LRRC3B: variants seen among roughly 807,000 people sequenced by gnomAD.
The protein encoded by LRRC3B is leucine rich repeat containing 3B.
LRRC3B carries 2 observed loss-of-function variants against 12.8 expected under a neutral mutation model. That is an observed-to-expected ratio of 0.16 (90% CI 0.06 to 0.49). The LOEUF (loss-of-function observed/expected upper bound fraction) is 0.49, where lower values mean the gene tolerates loss of function less well. Among genes scored for constraint, LRRC3B ranks in the 20% least tolerant of loss-of-function variants. LRRC3B has a pLI of 0.96. For synonymous variants in LRRC3B, 132 were observed against 122.0 expected (o/e 1.08, Z -0.54); for missense variants, 189 against 319.4 (o/e 0.59, Z 3.11).
chr3:26,695,505 C>T (rs750216329), intron 1 of LRRC3B, among the ~76,000 whole-genome samples: 3 of 150,968 alleles, frequency 2.0e-5, no homozygotes, highest in South Asian at 2.1e-4. Flanking sequence ...CCAGCCTGGG[C>T]GACAGAGCCA....
In LRRC3B at chr3:26,647,698, A is replaced by G. The variant is rs141058788; in HGVS notation, c.-161+24461A>G. Among the ~76,000 whole-genome samples, 468 of 152,300 alleles carry G rather than the reference A, an allele frequency of 3.1e-3. 3 individuals are homozygous for G. Among genetic ancestry groups the G allele is most frequent in the African/African-American group, 0.011 (453 of 41,568 alleles). ...TTAACGCCTGATACAGCTCATTGCC[A>G]GGAGTTTCAAATGAAACTCGGAGGA... On this transcript the variant is annotated intron_variant, in intron 1 of 1. Coordinates refer to ENST00000396641, the Ensembl canonical transcript of LRRC3B.
At chr3:26,705,854 T>C (rs745832672) in intron 1 of LRRC3B, among the ~76,000 whole-genome samples, 4 of 152,182 alleles carry the variant, frequency 2.6e-5, no homozygotes, top group Non-Finnish European at 5.9e-5. Context: ...TATAAAGCAA[T>C]GTCAAACTGA....
At chr3:26,685,485 C>A (rs1012024580) in intron 1 of LRRC3B, among the ~76,000 whole-genome samples, 3 of 81,510 alleles carry the variant, frequency 3.7e-5, no homozygotes, top group Non-Finnish European at 6.8e-5. Context: ...TAGACTCTCT[C>A]CCTCTCTCTC....
At chr3:26,678,513 A>T (rs77623265) in intron 1 of LRRC3B, among the ~76,000 whole-genome samples, 6 of 148,714 alleles carry the variant, frequency 4.0e-5, no homozygotes. Flanking sequence ...AAAAAAAAAA[A>T]GTAGTAGGAT....
chr3:26,667,119 G>GGAA (rs1217115543), intron 1 of LRRC3B, among the ~76,000 whole-genome samples: 23 of 101,540 alleles, frequency 2.3e-4, no homozygotes, highest in African/African-American at 5.6e-4. Flanking sequence ...TCACTTTCAA[G>GGAA]AAAAAAAAAA....
At chr3:26,692,762 C>T (rs905365936) in intron 1 of LRRC3B, among the ~76,000 whole-genome samples, 1 of 152,192 alleles carries the variant, frequency 6.6e-6, no homozygotes, top group Non-Finnish European at 1.5e-5. Flanking sequence ...GCTTTCGCTA[C>T]ATAACAAGTA....
At chr3:26,650,654 A>T (rs1699245656) in intron 1 of LRRC3B, among the ~76,000 whole-genome samples, 1 of 152,034 alleles carries the variant, frequency 6.6e-6, no homozygotes, top group African/African-American at 2.4e-5. Context: ...TTTCCAAAAT[A>T]TTTTGTTGTA....
At chr3:26,671,399 G>T (rs1263784645) in intron 1 of LRRC3B, among the ~76,000 whole-genome samples, 3 of 127,612 alleles carry the variant, frequency 2.4e-5, no homozygotes, top group Non-Finnish European at 4.9e-5. Context: ...GAGAGAGAGA[G>T]AGAGAGAGAG....
At chr3:26,700,411 C>G (rs1301295884) in intron 1 of LRRC3B, among the ~76,000 whole-genome samples, 1 of 152,126 alleles carries the variant, frequency 6.6e-6, no homozygotes, top group African/African-American at 2.4e-5. Flanking sequence ...TGGGGGATAT[C>G]TGAGATGCAG....
At chr3:26,675,807 T>G (rs1203412619) in intron 1 of LRRC3B, among the ~76,000 whole-genome samples, 2 of 152,206 alleles carry the variant, frequency 1.3e-5, no homozygotes, top group Non-Finnish European at 2.9e-5. Context: ...TGTTGTTTCT[T>G]GGGAAAAACT....
intron 1 of LRRC3B, among the ~76,000 whole-genome samples, chr3:26,708,885 A>G (rs1378355144): frequency 6.6e-6 from 1 of 152,166 alleles, no homozygotes; most frequent in Non-Finnish European, 1.5e-5. Flanking sequence ...ATTCAGTTAA[A>G]AGCATCCTCC....
At chr3:26,704,202 A>T (rs912274348) in intron 1 of LRRC3B, among the ~76,000 whole-genome samples, 16 of 152,268 alleles carry the variant, frequency 1.1e-4, no homozygotes, top group African/African-American at 3.4e-4. Context: ...AAATGTGATT[A>T]TATTATAAGT....
rs148765118 is a variant in LRRC3B, at chr3:26,697,486, CT to C, written c.-160-12026del. ...AGATAATCCAAGATAATCTTTCCAT[CT>C]CAAGATCCTTAATTTAATCTCATCT... On this transcript the variant is annotated intron_variant, in intron 1 of 1. Transcript: ENST00000396641. Among the ~76,000 whole-genome samples, 213 of 152,282 alleles carry C rather than the reference CT, an allele frequency of 1.4e-3. 1 individual carries two copies. The East Asian group carries it at 0.036, about 26-fold the overall frequency.
chr3:26,680,196 G>A (rs1450449100), intron 1 of LRRC3B, among the ~76,000 whole-genome samples: 6 of 152,144 alleles, frequency 3.9e-5, no homozygotes, highest in Non-Finnish European at 7.4e-5. Flanking sequence ...AAGCCCGCCC[G>A]ACAGGCACAG....
At chr3:26,707,593 A>G (rs1276686608) in intron 1 of LRRC3B, among the ~76,000 whole-genome samples, 1 of 152,158 alleles carries the variant, frequency 6.6e-6, no homozygotes, top group Non-Finnish European at 1.5e-5. Flanking sequence ...ATCTTTCAGC[A>G]TGTTTTAGGC....
chr3:26,651,650 G>C (rs1699267504), intron 1 of LRRC3B, among the ~76,000 whole-genome samples: 1 of 152,198 alleles, frequency 6.6e-6, no homozygotes, highest in South Asian at 2.1e-4. Flanking sequence ...ATTCTGAAGA[G>C]ACATTTCATC....
chr3:26,688,853 A>C lies in LRRC3B; in HGVS notation c.-160-20660A>C, dbSNP rs186064745. On this transcript the variant is annotated intron_variant, in intron 1 of 1. Coordinates refer to ENST00000396641, the Ensembl canonical transcript of LRRC3B. ...AATCCCTGGCTAGAGTACAGTTTTT[A>C]ACCACTTTGATTTGTGGCTGTAGAA... 1.2e-4 allele frequency among the ~76,000 whole-genome samples: 19 copies of C among 152,310 alleles called. No individual in the cohort carries two copies. The East Asian group carries it at 3.7e-3, about 29-fold the overall frequency.
chr3:26,627,252 T>TGTCCA (rs1698648311), intron 1 of LRRC3B, among the ~76,000 whole-genome samples: 1 of 152,166 alleles, frequency 6.6e-6, no homozygotes, highest in Non-Finnish European at 1.5e-5. Flanking sequence ...AGTACCAGGA[T>TGTCCA]GTCCTCCCCT....
intron 1 of LRRC3B, among the ~76,000 whole-genome samples, chr3:26,676,198 G>A (rs1267948393): frequency 1.3e-5 from 2 of 151,026 alleles, no homozygotes; most frequent in African/African-American, 2.4e-5. Flanking sequence ...TTGTCATTTA[G>A]CATTAGGTAT....
Sources: allele counts gnomAD v4.1 joint callset (sites outside exome capture counted in the v4.1 genomes callset), GRCh38; gene constraint gnomAD v4.1.1; transcripts MANE v1.5; gene names NCBI Gene and HGNC (gene_info 2026-07-23, HGNC 2026-07-21).